Variants in GHR observed in about 807,000 individuals in gnomAD.
The protein encoded by GHR is GH receptor.
In GHR, 35 loss-of-function variants were observed where a neutral mutation model predicts 67.1. That is an observed-to-expected ratio of 0.52 (90% confidence interval 0.40 to 0.69). The LOEUF (loss-of-function observed/expected upper bound fraction) is 0.69, where lower values mean the gene tolerates loss of function less well. Among genes scored for constraint, GHR ranks in the 30% least tolerant of loss-of-function variants. GHR has a pLI of 0.00. For missense variants in GHR, 792 were observed against 764.6 expected, an observed-to-expected ratio of 1.04 and a Z score of -0.42; for synonymous variants, 272 against 269.1, an observed-to-expected ratio of 1.01 and a Z score of -0.10.
At chr5:42,454,840 C>G (rs1031369631) in intron 1 of GHR, among the ~76,000 whole-genome samples, 1 of 152,122 alleles carries the variant, frequency 6.6e-6, no homozygotes, top group African/African-American at 2.4e-5. Context: ...TGTCTGCCCA[C>G]AAGGTTCCTG....
At chr5:42,469,430 G>A (rs994045915) in intron 1 of GHR, among the ~76,000 whole-genome samples, 1 of 151,802 alleles carries the variant, frequency 6.6e-6, no homozygotes, top group Admixed American at 6.5e-5. Flanking sequence ...CACTTTGACA[G>A]AACAGTCTAC....
At chr5:42,682,301 C>CTA (rs571113835) in intron 3 of GHR, among the ~76,000 whole-genome samples, 1 of 152,148 alleles carries the variant, frequency 6.6e-6, no homozygotes, top group South Asian at 2.1e-4. Flanking sequence ...GGATGTTGAA[C>CTA]TATACTATTT....
intron 6 of GHR, among the ~76,000 whole-genome samples, chr5:42,702,162 T>C (rs993613625): frequency 3.9e-5 from 6 of 152,100 alleles, no homozygotes; most frequent in Admixed American, 2.0e-4. Context: ...TCATTCCTAC[T>C]AACTGAAAAT....
intron 2 of GHR, among the ~76,000 whole-genome samples, chr5:42,573,907 T>C (rs773552353): frequency 2.0e-5 from 3 of 151,986 alleles, no homozygotes; most frequent in Non-Finnish European, 2.9e-5. Context: ...AGAAATAATA[T>C]TGACTACTGG....
At chr5:42,548,377 C>T in intron 1 of GHR, 1 of 985,304 alleles carries the variant, frequency 1.0e-6, no homozygotes, top group Non-Finnish European at 1.2e-6. Flanking sequence ...CAACCCCTCC[C>T]TCTCTGTCAG....
At chr5:42,580,885 A>G (rs545677792) in intron 2 of GHR, among the ~76,000 whole-genome samples, 22 of 152,350 alleles carry the variant, frequency 1.4e-4, no homozygotes, top group African/African-American at 4.1e-4. Flanking sequence ...TGTTCAGACA[A>G]GACCCTTATA....
intron 2 of GHR, among the ~76,000 whole-genome samples, chr5:42,572,690 G>T (rs1330762556): frequency 1.3e-5 from 2 of 152,126 alleles, no homozygotes; most frequent in Non-Finnish European, 2.9e-5. Context: ...AGGAATCTCT[G>T]TTTCTGTTTA....
Position 42,702,462 on chromosome 5 carries a change from G to T in GHR, c.618+2460G>T, listed in dbSNP as rs372453073. On this transcript the variant is annotated intron_variant, in intron 6 of 9. Transcript: ENST00000230882. The stretch of plus-strand genomic sequence containing the variant: ...CCACTTATCCATTAATGGAACATAG[G>T]TCGATTCTATTTCTTGGCTGTTATA... 7.2e-5 allele frequency among the ~76,000 whole-genome samples: 11 copies of T among 152,048 alleles called. No homozygotes were observed. The East Asian group carries it at 1.7e-3, about 24-fold the overall frequency.
At chr5:42,446,460 T>C (rs1579712679) in intron 1 of GHR, among the ~76,000 whole-genome samples, 4 of 152,206 alleles carry the variant, frequency 2.6e-5, no homozygotes. Context: ...AAGGGAAAAG[T>C]AGGCAGGGTT....
Position 42,718,711 on chromosome 5 carries a change from A to C in GHR, c.1204A>C (p.Asn402His), listed in dbSNP as rs563689769. ...CATTCTGGAGACTGATTTCAATGCC[A>C]ATGACATACATGAGGGTACCTCAGA... ...PDILETDFNANDIHEGTSEVA... is the reference protein window; with the variant it reads ...PDILETDFNAHDIHEGTSEVA... Residue 402 changes from asparagine to histidine, a missense_variant, in exon 10 of 10, where the codon AAT becomes CAT. Coordinates refer to ENST00000230882, the MANE Select transcript of GHR (RefSeq NM_000163.5). 2 of 1,614,210 alleles carry C rather than the reference A, an allele frequency of 1.2e-6. No individual in the cohort carries two copies. The highest frequency in any genetic ancestry group is 2.2e-5 in the South Asian group (2 of 91,080).
intron 1 of GHR, among the ~76,000 whole-genome samples, chr5:42,502,727 T>C (rs1222990243): frequency 2.0e-5 from 3 of 151,310 alleles, no homozygotes; most frequent in African/African-American, 4.8e-5. Flanking sequence ...CTTTTACTAA[T>C]TGGAGAAAAC....
At chr5:42,688,202 C>A (rs1476269332) in intron 3 of GHR, among the ~76,000 whole-genome samples, 1 of 152,190 alleles carries the variant, frequency 6.6e-6, no homozygotes, top group Non-Finnish European at 1.5e-5. Flanking sequence ...CACACTACAT[C>A]CCCCACATCC....
At chr5:42,585,843 A>G (rs1025086817) in intron 2 of GHR, among the ~76,000 whole-genome samples, 26 of 152,142 alleles carry the variant, frequency 1.7e-4, no homozygotes, top group African/African-American at 6.3e-4. Flanking sequence ...CCTGGCAACT[A>G]TTATAGGTGG....
chr5:42,614,068 T>C (rs531989711), intron 2 of GHR, among the ~76,000 whole-genome samples: 2 of 152,226 alleles, frequency 1.3e-5, no homozygotes, highest in East Asian at 3.9e-4. Context: ...CTTCTCAAAC[T>C]ATAGCTTAGT....
chr5:42,492,652 T>C (rs1400531228), intron 1 of GHR, among the ~76,000 whole-genome samples: 2 of 152,242 alleles, frequency 1.3e-5, no homozygotes, highest in African/African-American at 4.8e-5. Flanking sequence ...CAAAGGTTGA[T>C]TATAAATCAG....
chr5:42,598,527 A>G (rs1485053654), intron 2 of GHR, among the ~76,000 whole-genome samples: 1 of 152,190 alleles, frequency 6.6e-6, no homozygotes, highest in Non-Finnish European at 1.5e-5. Flanking sequence ...CATGTTCTTA[A>G]AAGGAATGTT....
chr5:42,468,373 G>A, intron 1 of GHR: 11 of 1,328,748 alleles, frequency 8.3e-6, no homozygotes, highest in Non-Finnish European at 1.1e-5. Flanking sequence ...GCCCAGCACA[G>A]GTCAAACCCC....
At chr5:42,512,656 A>C (rs1376954613) in intron 1 of GHR, among the ~76,000 whole-genome samples, 1 of 152,048 alleles carries the variant, frequency 6.6e-6, no homozygotes, top group Non-Finnish European at 1.5e-5. Context: ...ATCAATATTC[A>C]TTTCTGCATT....
intron 2 of GHR, among the ~76,000 whole-genome samples, chr5:42,599,449 C>T (rs1752252370): frequency 6.7e-6 from 1 of 148,498 alleles, no homozygotes. Context: ...TCAACCTCTG[C>T]CTCCCGGGTT....
Sources: gnomAD v4.1 joint callset for allele counts (sites outside exome capture counted in the v4.1 genomes callset) on GRCh38, gnomAD v4.1.1 for gene constraint, MANE v1.5 for transcripts, NCBI Gene and HGNC (gene_info 2026-07-23, HGNC 2026-07-21) for gene names.